Variants in HDAC9 observed in about 807,000 individuals in gnomAD.
HDAC9 encodes MEF-2 interacting transcription repressor (MITR) protein.
Under a neutral mutation model 139.4 loss-of-function variants are expected in HDAC9, and 41 were observed. The observed-to-expected ratio is 0.29, with a 90% CI of 0.23 to 0.38. HDAC9 has a LOEUF of 0.38. Ranked by LOEUF, HDAC9 falls within the 10% of genes least tolerant of loss-of-function variation. HDAC9 has a pLI of 1.00. For synonymous variants in HDAC9, 517 were observed against 476.2 expected, an observed-to-expected ratio of 1.09 and a Z score of -1.12; for missense variants, 1,147 against 1,297.0, an observed-to-expected ratio of 0.88 and a Z score of 1.78.
At chr7:18,142,288 C>T (rs181333212) in intron 1 of HDAC9, among the ~76,000 whole-genome samples, 4 of 152,228 alleles carry the variant, frequency 2.6e-5, no homozygotes, top group Admixed American at 2.0e-4. Flanking sequence ...AATGAAACAA[C>T]CCTTGAAATA....
intron 12 of HDAC9, among the ~76,000 whole-genome samples, chr7:18,669,421 G>C (rs535502204): frequency 6.6e-6 from 1 of 151,848 alleles, no homozygotes; most frequent in African/African-American, 2.4e-5. Context: ...CCAGTGTGAG[G>C]AATAGGAGCC....
Position 18,241,526 on chromosome 7 carries a change from A to G in HDAC9, c.25+79177A>G, listed in dbSNP as rs531268754. Among the ~76,000 whole-genome samples the G allele has an allele frequency of 1.4e-4, 22 of 152,340 alleles. No individual in the cohort carries two copies. The East Asian group carries it at 1.9e-3, about 13-fold the overall frequency. On this transcript the variant is annotated intron_variant, in intron 2 of 12. Coordinates refer to the HDAC9 transcript ENST00000417496. ...GCTGCCTCTTTGTTGTTTTCACTAC[A>G]TGTAGACCACAGTGTCACAATAAGA...
intron 1 of HDAC9, among the ~76,000 whole-genome samples, chr7:18,323,996 C>CT (rs567802367): frequency 5.6e-4 from 82 of 146,512 alleles, no homozygotes; most frequent in African/African-American, 1.7e-3. Context: ...TCTATGGGAT[C>CT]TTTTTTATAA....
intron 17 of HDAC9, among the ~76,000 whole-genome samples, chr7:18,818,381 AT>A (rs1794723596): frequency 6.6e-6 from 1 of 152,170 alleles, no homozygotes; most frequent in Non-Finnish European, 1.5e-5. Flanking sequence ...TCTCTGTATG[AT>A]TTTTTATTTT....
chr7:18,837,926 AC>A (rs1475197882), intron 21 of HDAC9, among the ~76,000 whole-genome samples: 1 of 152,022 alleles, frequency 6.6e-6, no homozygotes, highest in Admixed American at 6.6e-5. Flanking sequence ...ATATTAGCAA[AC>A]TTTTCTAAGC....
At chr7:18,853,103 C>G (rs1482996549) in intron 21 of HDAC9, among the ~76,000 whole-genome samples, 8 of 152,040 alleles carry the variant, frequency 5.3e-5, no homozygotes, top group Non-Finnish European at 4.4e-5. Flanking sequence ...CGGCCTGGCT[C>G]CGACTTTCCA....
intron 17 of HDAC9, among the ~76,000 whole-genome samples, chr7:18,828,753 A>T (rs577668388): frequency 1.3e-5 from 2 of 152,238 alleles, no homozygotes; most frequent in South Asian, 4.1e-4. Context: ...TTCACTTTGG[A>T]TCTTCTCTGG....
chr7:18,990,791 G>A (rs888765823), intron 25 of HDAC9, among the ~76,000 whole-genome samples: 1 of 152,222 alleles, frequency 6.6e-6, no homozygotes, highest in African/African-American at 2.4e-5. Context: ...GCAGTATTTG[G>A]GTGGGAGTGA....
chr7:18,749,232 A>G, intron 14 of HDAC9, 94 bp downstream of exon 14: 2 of 1,272,842 alleles, frequency 1.6e-6, no homozygotes, highest in East Asian at 2.5e-5. Flanking sequence ...AATATTAACC[A>G]TATAGTGCAA....
intron 1 of HDAC9, among the ~76,000 whole-genome samples, chr7:18,351,535 G>GAT (rs572318259): frequency 1.3e-5 from 2 of 152,132 alleles, no homozygotes; most frequent in Non-Finnish European, 2.9e-5. Context: ...TGGGAGGGAA[G>GAT]ATATATATAT....
At chr7:18,351,204 A>G (rs1360928970) in intron 1 of HDAC9, among the ~76,000 whole-genome samples, 2 of 152,188 alleles carry the variant, frequency 1.3e-5, no homozygotes, top group African/African-American at 2.4e-5. Context: ...AAAATGTAAT[A>G]CTGACTTTAA....
intron 2 of HDAC9, among the ~76,000 whole-genome samples, chr7:18,501,862 A>G (rs1363395148): frequency 6.6e-6 from 1 of 152,174 alleles, no homozygotes; most frequent in African/African-American, 2.4e-5. Flanking sequence ...AGTAGTAGGT[A>G]TATTAGTTAG....
intron 22 of HDAC9, among the ~76,000 whole-genome samples, chr7:18,900,128 A>G (rs899020536): frequency 6.6e-6 from 1 of 152,184 alleles, no homozygotes; most frequent in Non-Finnish European, 1.5e-5. Context: ...GTATGAATAC[A>G]TACAAGAATT....
chr7:18,566,023 T>C (rs1221173513), intron 2 of HDAC9, among the ~76,000 whole-genome samples: 1 of 152,174 alleles, frequency 6.6e-6, no homozygotes, highest in Non-Finnish European at 1.5e-5. Flanking sequence ...TATTACTGTA[T>C]AGTAAAAACT....
intron 1 of HDAC9, among the ~76,000 whole-genome samples, chr7:18,095,337 A>G (rs1314316742): frequency 6.6e-6 from 1 of 151,640 alleles, no homozygotes; most frequent in East Asian, 1.9e-4. Context: ...GAAAATCCAT[A>G]ATAAAAAGGC....
At chr7:18,870,439 GTA>G (rs1253061663) in intron 21 of HDAC9, among the ~76,000 whole-genome samples, 6 of 152,074 alleles carry the variant, frequency 3.9e-5, no homozygotes, top group African/African-American at 1.4e-4. Context: ...TATGTTTTTA[GTA>G]AAAACGCCAT....
upstream of HDAC9, among the ~76,000 whole-genome samples, chr7:18,491,016 T>C (rs1563041357): frequency 6.6e-6 from 1 of 151,930 alleles, no homozygotes; most frequent in Non-Finnish European, 1.5e-5. Flanking sequence ...CTCTGCTTGA[T>C]TACAGATGAA....
chr7:18,192,011 A>G (rs1032929997), intron 2 of HDAC9, among the ~76,000 whole-genome samples: 2 of 152,194 alleles, frequency 1.3e-5, no homozygotes, highest in African/African-American at 2.4e-5. Context: ...TGTGCTAGAA[A>G]AAAACCCTTA....
At position 19,000,322 on chromosome 7, in the gene HDAC9, T is replaced by G. The variant is rs891179056; in HGVS notation, c.*4260T>G. ...ACCATTAAATATGTAAGTTCCTATATGTGACTTTTTCTGGGCATATTTGCA... is the reference window on the plus strand; with the variant it reads ...ACCATTAAATATGTAAGTTCCTATAGGTGACTTTTTCTGGGCATATTTGCA... On this transcript the variant is annotated 3_prime_UTR_variant, in exon 26 of 26. Transcript: ENST00000686413. The G allele has an allele frequency of 1.3e-5, 2 of 152,240 alleles. No individual in the cohort carries two copies. The highest frequency in any genetic ancestry group is 4.8e-5 in the African/African-American group (2 of 41,466). 9.4% of individuals were successfully genotyped at this position (152,240 alleles called of 1,614,324 possible).
Sources: allele counts gnomAD v4.1 joint callset (sites outside exome capture counted in the v4.1 genomes callset), GRCh38; gene constraint gnomAD v4.1.1; transcripts MANE v1.5; gene names NCBI Gene and HGNC (gene_info 2026-07-23, HGNC 2026-07-21).